CCR3: variants seen among roughly 807,000 people sequenced by gnomAD.
CCR3 encodes C-C motif chemokine receptor 3.
For synonymous variants in CCR3, 203 were observed against 179.2 expected (o/e 1.13, Z -1.06); for missense variants, 419 against 437.5 (o/e 0.96, Z 0.38).
chr3:46,246,313 T>G (rs1270823365), intron 1 of CCR3, among the ~76,000 whole-genome samples: 1 of 152,202 alleles, frequency 6.6e-6, no homozygotes, highest in Non-Finnish European at 1.5e-5. Flanking sequence ...AAACAGGCTT[T>G]GTGTGAGCAA....
At chr3:46,211,399 T>TATA (rs1559522130) in intron 2 of CCR3, among the ~76,000 whole-genome samples, 3,317 of 126,338 alleles carry the variant, frequency 0.026, 152 homozygotes, top group African/African-American at 0.086. Context: ...ATATATATAT[T>TATA]TTTTGTAGAA....
intron 1 of CCR3, among the ~76,000 whole-genome samples, chr3:46,251,119 G>T (rs1190641471): frequency 6.6e-6 from 1 of 152,038 alleles, no homozygotes; most frequent in Non-Finnish European, 1.5e-5. Context: ...AAGGGGTTGA[G>T]GTACTTGCCC....
intron 1 of CCR3, among the ~76,000 whole-genome samples, chr3:46,260,074 C>A (rs1700494604): frequency 6.6e-6 from 1 of 152,152 alleles, no homozygotes; most frequent in Non-Finnish European, 1.5e-5. Flanking sequence ...CAGGGAAACT[C>A]CCCTTTTAAA....
chr3:46,242,963 G>GTATATATATATATATACATATATA (rs1700112293), intron 1 of CCR3, among the ~76,000 whole-genome samples: 1 of 86,298 alleles, frequency 1.2e-5, no homozygotes, highest in Non-Finnish European at 2.2e-5. Flanking sequence ...ATATATATGT[G>GTATATATATATATATACATATATA]TATATATATA....
At chr3:46,258,502 G>T (rs1700467724) in intron 1 of CCR3, among the ~76,000 whole-genome samples, 1 of 152,054 alleles carries the variant, frequency 6.6e-6, no homozygotes, top group Non-Finnish European at 1.5e-5. Flanking sequence ...CTGGGCCTTG[G>T]GACATATCTA....
intron 1 of CCR3, among the ~76,000 whole-genome samples, chr3:46,248,583 A>G (rs1474987976): frequency 6.6e-6 from 1 of 152,146 alleles, no homozygotes; most frequent in African/African-American, 2.4e-5. Context: ...CAGGGAGAGC[A>G]CGTGTGTTTT....
intron 1 of CCR3, among the ~76,000 whole-genome samples, chr3:46,249,056 G>A (rs1700255521): frequency 6.6e-6 from 1 of 152,142 alleles, no homozygotes; most frequent in Admixed American, 6.5e-5. Flanking sequence ...TGGGATCTTG[G>A]CATTGAGCAG....
chr3:46,254,535 A>G (rs1700379125), intron 1 of CCR3, among the ~76,000 whole-genome samples: 1 of 152,128 alleles, frequency 6.6e-6, no homozygotes, highest in African/African-American at 2.4e-5. Flanking sequence ...TGTTTGTTAT[A>G]TGAATAATTT....
At chr3:46,212,451 G>A (rs1013862939) in intron 2 of CCR3, among the ~76,000 whole-genome samples, 3 of 151,876 alleles carry the variant, frequency 2.0e-5, no homozygotes, top group Non-Finnish European at 4.4e-5. Context: ...CAGGTCCCTC[G>A]ACATCACCTC....
At chr3:46,244,853 G>GA (rs1700161904) in intron 1 of CCR3, among the ~76,000 whole-genome samples, 1 of 152,198 alleles carries the variant, frequency 6.6e-6, no homozygotes, top group African/African-American at 2.4e-5. Context: ...TACCTGGAAA[G>GA]GCAGTGGCTC....
At chr3:46,229,983 G>A (rs1156700393) in intron 2 of CCR3, among the ~76,000 whole-genome samples, 1 of 152,176 alleles carries the variant, frequency 6.6e-6, no homozygotes, top group African/African-American at 2.4e-5. Context: ...GGAGCATTAG[G>A]TTATGCCTCA....
At chr3:46,242,648 T>C (rs1700104637) in intron 1 of CCR3, 110 bp downstream of exon 1, 1 of 151,814 alleles carries the variant, frequency 6.6e-6, no homozygotes, top group South Asian at 2.1e-4. Flanking sequence ...GAGAGGAAGG[T>C]ACACAGCAAT....
At chr3:46,215,385 C>G (rs1699762192) in intron 2 of CCR3, among the ~76,000 whole-genome samples, 1 of 152,100 alleles carries the variant, frequency 6.6e-6, no homozygotes, top group African/African-American at 2.4e-5. Context: ...TTCTCAGGCC[C>G]CATTGAAGGT....
At chr3:46,259,963 A>T (rs1369290951) in intron 1 of CCR3, among the ~76,000 whole-genome samples, 1 of 152,160 alleles carries the variant, frequency 6.6e-6, no homozygotes. Flanking sequence ...AAAGAGTTTT[A>T]TTGGACTTCC....
At chr3:46,229,717 T>C (rs1363762703) in intron 2 of CCR3, among the ~76,000 whole-genome samples, 11 of 152,332 alleles carry the variant, frequency 7.2e-5, no homozygotes, top group Admixed American at 7.2e-4. Flanking sequence ...TAGTTTATTA[T>C]ACATACATTA....
intron 2 of CCR3, among the ~76,000 whole-genome samples, chr3:46,237,137 A>G (rs908527503): frequency 2.0e-5 from 3 of 152,204 alleles, no homozygotes; most frequent in Non-Finnish European, 4.4e-5. Flanking sequence ...ACTTAGGTTG[A>G]TTCCATATCT....
intron 1 of CCR3, chr3:46,264,142 T>C (rs1470135015): frequency 2.3e-6 from 1 of 433,862 alleles, no homozygotes; most frequent in African/African-American, 2.1e-5. Context: ...GCCTTAGGGC[T>C]CCTGGCCTAA....
chr3:46,266,295 A>T lies in CCR3; in HGVS notation c.*69A>T, dbSNP rs1306292646. 3 of 951,944 alleles carry T rather than the reference A, an allele frequency of 3.2e-6. No homozygotes were observed. The highest frequency in any genetic ancestry group is 4.8e-6 in the Non-Finnish European group (3 of 620,740). The allele number at this position is 951,944 out of a possible 1,614,324, so 59.0% of individuals were successfully genotyped here. ...GAAGCAAACACATTAAGCCTTCCAC[A>T]CTCACCTCTAAAACAGTCCTTCAAA... On this transcript the variant is annotated 3_prime_UTR_variant, in exon 2 of 2. Coordinates refer to ENST00000395940, the MANE Select transcript of CCR3 (RefSeq NM_178329.3).
chr3:46,223,400 A>G (rs1699859487), intron 2 of CCR3, among the ~76,000 whole-genome samples: 1 of 152,230 alleles, frequency 6.6e-6, no homozygotes, highest in Admixed American at 6.5e-5. Context: ...ACAGTCTAAT[A>G]CACAGCATTT....
Sources: allele counts gnomAD v4.1 joint callset (sites outside exome capture counted in the v4.1 genomes callset), GRCh38; gene constraint gnomAD v4.1.1; transcripts MANE v1.5; gene names NCBI Gene and HGNC (gene_info 2026-07-23, HGNC 2026-07-21).